Variants in MCF2L observed in about 807,000 individuals in gnomAD.
The protein encoded by MCF2L is MCF.2 cell line derived transforming sequence like, also known as guanine nucleotide exchange factor DBS.
Under a neutral mutation model 153.4 loss-of-function variants are expected in MCF2L, and 97 were observed. That is an observed-to-expected ratio of 0.63 (90% CI 0.54 to 0.75). The LOEUF (loss-of-function observed/expected upper bound fraction) is 0.75. Ranked by LOEUF, MCF2L falls within the 30% of genes least tolerant of loss-of-function variation. The pLI is 0.00. For synonymous variants in MCF2L, 659 were observed against 632.2 expected, an observed-to-expected ratio of 1.04 and a Z score of -0.64; for missense variants, 1,347 against 1,495.2, an observed-to-expected ratio of 0.90 and a Z score of 1.64.
chr13:112,975,935 T>C (rs2082199086), intron 1 of MCF2L, among the ~76,000 whole-genome samples: 1 of 151,970 alleles, frequency 6.6e-6, no homozygotes, highest in South Asian at 2.1e-4. Flanking sequence ...CTGGCCTCCC[T>C]CCCTCCCTCC....
intron 1 of MCF2L, among the ~76,000 whole-genome samples, chr13:112,992,349 G>A (rs1386248403): frequency 1.3e-5 from 2 of 152,224 alleles, no homozygotes; most frequent in Non-Finnish European, 2.9e-5. Context: ...GCCAATGGAT[G>A]TATACCTAAG....
chr13:112,942,127 AG>A (rs1323648621), intron 2 of MCF2L, among the ~76,000 whole-genome samples: 1 of 152,194 alleles, frequency 6.6e-6, no homozygotes, highest in Non-Finnish European at 1.5e-5. Flanking sequence ...AGGGTCTGTC[AG>A]GCCCACCCGC....
At chr13:112,897,059 A>C (rs146891491) in intron 1 of MCF2L, among the ~76,000 whole-genome samples, 1 of 152,206 alleles carries the variant, frequency 6.6e-6, no homozygotes, top group Non-Finnish European at 1.5e-5. Flanking sequence ...TGCGGGTGGC[A>C]GAGTCTTTAG....
chr13:113,063,049 C>T (rs2031777101), intron 5 of MCF2L, among the ~76,000 whole-genome samples: 1 of 152,230 alleles, frequency 6.6e-6, no homozygotes, highest in Admixed American at 6.5e-5. Context: ...GATGATGTTG[C>T]TGGAGGAGGT....
At chr13:112,998,417 GGACATTTCTGGA>G (rs1198505101) in intron 1 of MCF2L, among the ~76,000 whole-genome samples, 1 of 152,170 alleles carries the variant, frequency 6.6e-6, no homozygotes, top group East Asian at 1.9e-4. Flanking sequence ...AATGGGCTGG[GGACATTTCTGGA>G]GGGTTCCGGA....
At chr13:113,087,538 C>A in intron 22 of MCF2L, 82 bp downstream of exon 22, 1 of 1,190,080 alleles carries the variant, frequency 8.4e-7, no homozygotes, top group Non-Finnish European at 1.2e-6. Context: ...CTGAGGTGGC[C>A]ACGCTGACAC....
intron 1 of MCF2L, among the ~76,000 whole-genome samples, chr13:112,982,640 G>T (rs557875085): frequency 6.6e-6 from 1 of 152,306 alleles, no homozygotes; most frequent in Non-Finnish European, 1.5e-5. Context: ...CTGCTCTCGC[G>T]TGCTGTGGGA....
In MCF2L at chr13:113,025,040, G is replaced by T. The variant is rs1252731461; in HGVS notation, c.278+282G>T. 61 of 193,854 alleles carry T rather than the reference G, an allele frequency of 3.1e-4. 7 individuals are homozygous for T. The highest frequency in any genetic ancestry group is 8.6e-4 in the South Asian group (6 of 6,976). 12.0% of individuals were successfully genotyped at this position (193,854 alleles called of 1,614,324 possible). ...CAGAATCTCTGTGAGGTTTCATCATGGTGGGGTCCCCGTGACTGTGGGTCG... is the reference window on the plus strand; with the variant it reads ...CAGAATCTCTGTGAGGTTTCATCATTGTGGGGTCCCCGTGACTGTGGGTCG... On this transcript the variant is annotated intron_variant, in intron 3 of 29. Transcript: ENST00000535094.
chr13:113,080,213 C>G (rs1408617909), intron 15 of MCF2L, among the ~76,000 whole-genome samples: 1 of 148,630 alleles, frequency 6.7e-6, no homozygotes, highest in African/African-American at 2.5e-5. Context: ...AGAGGAGGGT[C>G]CAGGCAGGAG....
At chr13:112,917,875 C>T (rs1195385012) in intron 2 of MCF2L, among the ~76,000 whole-genome samples, 1 of 152,184 alleles carries the variant, frequency 6.6e-6, no homozygotes, top group African/African-American at 2.4e-5. Flanking sequence ...CTGACCTAGC[C>T]TCACCTGCCC....
intron 1 of MCF2L, among the ~76,000 whole-genome samples, chr13:112,997,160 G>C (rs1376041119): frequency 6.6e-6 from 1 of 152,242 alleles, no homozygotes; most frequent in East Asian, 1.9e-4. Flanking sequence ...GGCAGACCCA[G>C]AGCCCCAAAT....
In MCF2L at chr13:112,943,144, C is replaced by G. The variant is rs2081593381; in HGVS notation, c.169+40773C>G. ...GTCAGAAACAGCTGCGAGGAGCATCCAGCCTAGGGCTCAGCAGGTGTGACT... is the reference window on the plus strand; with the variant it reads ...GTCAGAAACAGCTGCGAGGAGCATCGAGCCTAGGGCTCAGCAGGTGTGACT... On this transcript the variant is annotated intron_variant, in intron 2 of 29. Coordinates refer to the MCF2L transcript ENST00000375608. The surrounding 1 kb of genome is among the most constrained non-coding windows in gnomAD (Gnocchi z 4.2). Among the ~76,000 whole-genome samples, 1 of 152,246 alleles carries G rather than the reference C, an allele frequency of 6.6e-6. No individual in the cohort carries two copies. Among genetic ancestry groups the G allele is most frequent in the Non-Finnish European group, 1.5e-5 (1 of 68,042 alleles).
chr13:113,086,047 A>G, intron 20 of MCF2L, 77 bp from the exon 21 acceptor site: 2 of 1,482,012 alleles, frequency 1.3e-6, no homozygotes, highest in Non-Finnish European at 1.8e-6. Flanking sequence ...CCTCGTGCCA[A>G]GCTCCTGAGG....
chr13:112,945,980 G>A (rs552829459), intron 2 of MCF2L, among the ~76,000 whole-genome samples: 1 of 152,256 alleles, frequency 6.6e-6, no homozygotes, highest in Admixed American at 6.5e-5. Flanking sequence ...GCTGCTGCGT[G>A]TTCAGACCGG....
rs560633068 is a variant in MCF2L at position 113,006,776 on chromosome 13, C to T, written c.80-7987C>T. Among the ~76,000 whole-genome samples the T allele has an allele frequency of 1.6e-4, 24 of 152,362 alleles. No homozygotes were observed. The East Asian group carries it at 4.4e-3, about 28-fold the overall frequency. ...ACCAGCCCTGCCCACTCAGCAGTCA[C>T]TTGAGAACGCCCCGAGCATCTGGCC... On this transcript the variant is annotated intron_variant, in intron 1 of 29. Transcript: ENST00000535094.
intron 2 of MCF2L, among the ~76,000 whole-genome samples, chr13:112,920,991 C>G (rs553549690): frequency 6.8e-6 from 1 of 147,498 alleles, no homozygotes; most frequent in Non-Finnish European, 1.5e-5. Context: ...CATGGTGAAA[C>G]CTCATCTCTA....
chr13:113,065,274 C>G (rs548531574), intron 7 of MCF2L, 189 bp downstream of exon 7: 4 of 625,496 alleles, frequency 6.4e-6, no homozygotes, highest in Non-Finnish European at 1.1e-5. Context: ...ACCTCTCCGA[C>G]GAGAACGGAA....
chr13:112,914,631 G>A (rs1303191604), intron 2 of MCF2L, among the ~76,000 whole-genome samples: 1 of 152,244 alleles, frequency 6.6e-6, no homozygotes, highest in East Asian at 1.9e-4. Context: ...TGATGTCCTT[G>A]TCTGATGGTT....
At chr13:112,985,144 G>A in intron 1 of MCF2L, 1 of 290,500 alleles carries the variant, frequency 3.4e-6, no homozygotes, top group Non-Finnish European at 6.9e-6. Flanking sequence ...TCTCGGGCGG[G>A]CACGGTGTGT....
Sources: gnomAD v4.1 joint callset for allele counts (sites outside exome capture counted in the v4.1 genomes callset) on GRCh38, gnomAD v4.1.1 for gene constraint, Gnocchi (gnomAD v3.1) non-coding constraint, MANE v1.5 for transcripts, NCBI Gene and HGNC (gene_info 2026-07-23, HGNC 2026-07-21) for gene names.